The following HEATR4 variants were observed in gnomAD, a reference collection of about 807,000 sequenced individuals.
HEATR4 encodes HEAT repeat containing 4, also known as HEAT repeat-containing protein 4.
In HEATR4, 95 loss-of-function variants were observed where a neutral mutation model predicts 108.8. The ratio of observed to expected loss-of-function variants is 0.87; its 90% CI spans 0.74 to 1.04. The LOEUF is 1.04. Among genes scored for constraint, HEATR4 ranks in the 50% least tolerant of loss-of-function variants. The pLI is 0.00. For synonymous variants in HEATR4, 443 were observed against 459.4 expected (o/e 0.96, Z 0.46); for missense variants, 1,152 against 1,253.8 (o/e 0.92, Z 1.23).
intron 6 of HEATR4, among the ~76,000 whole-genome samples, chr14:73,513,798 T>A (rs1015177716): frequency 6.7e-6 from 1 of 149,486 alleles, no homozygotes; most frequent in Non-Finnish European, 1.5e-5. Flanking sequence ...AATAATGAGT[T>A]TCCACAAATT....
rs568589730 is a variant in HEATR4 at position 73,539,766 on chromosome 14, G to A, written c.-151-9522C>T. ...ACGCGGTCCCTGTCCATCAGCACAC[G>A]CGTGGGCTGTGCTCATCGCTGCCGG... On this transcript the variant is annotated intron_variant, in intron 1 of 17. Coordinates refer to ENST00000553558, the MANE Select transcript of HEATR4 (RefSeq NM_001220484.1). The A allele has an allele frequency of 7.6e-5, 9 of 117,896 alleles. 1 individual carries two copies. Among genetic ancestry groups the A allele is most frequent in the African/African-American group, 1.9e-4 (7 of 36,252 alleles). The allele number at this position is 117,896 out of a possible 1,614,324, so 7.3% of individuals were successfully genotyped here.
At position 73,535,469 on chromosome 14, in the gene HEATR4, C is replaced by T. The variant is rs983179476; in HGVS notation, c.-151-5225G>A. ...CCTTTTTCTTTTCTTTTTCTTCTTT[C>T]TTTTTTTTTTTTTTTTTTTTTTTTT... On this transcript the variant is annotated intron_variant, in intron 1 of 17. Coordinates refer to ENST00000553558, the MANE Select transcript of HEATR4 (RefSeq NM_001220484.1). 2.7e-3 allele frequency among the ~76,000 whole-genome samples: 44 copies of T among 16,496 alleles called. 2 individuals carry two copies. Among genetic ancestry groups the T allele is most frequent in the Non-Finnish European group, 8.6e-3 (31 of 3,586 alleles). 10.8% of individuals were successfully genotyped at this position (16,496 alleles called of 152,430 possible). A position where few individuals can be genotyped will look rare whatever the true frequency, so the allele number is the denominator to read the frequency against.
the HEATR4 span, among the ~76,000 whole-genome samples, chr14:73,570,975 A>AT: frequency 2.9e-5 from 4 of 136,574 alleles, no homozygotes; most frequent in African/African-American, 1.1e-4. Context: ...CTAGGAAGCC[A>AT]CTTTTTTTTT....
At chr14:73,564,783 T>G in the HEATR4 span, among the ~76,000 whole-genome samples, 1 of 141,074 alleles carries the variant, frequency 7.1e-6, no homozygotes, top group Admixed American at 7.4e-5. Context: ...CAAGCTGGTA[T>G]CGAACTCCTC....
chr14:73,478,487 T>C lies in HEATR4; in HGVS notation c.*119A>G. 1 of 720,982 alleles carries C rather than the reference T, an allele frequency of 1.4e-6. No individual in the cohort carries two copies. Among genetic ancestry groups the C allele is most frequent in the Non-Finnish European group, 2.4e-6 (1 of 412,062 alleles). The allele number at this position is 720,982 out of a possible 1,614,324, so 44.7% of individuals were successfully genotyped here. ...GTGCGCATTAAGACATGAGGTCTAC[T>C]GTTAAATAATTTCTCTTTATAAACA... On this transcript the variant is annotated 3_prime_UTR_variant, in exon 18 of 18. Transcript: ENST00000553558.
At chr14:73,508,473 G>A (rs1219342574) in intron 8 of HEATR4, among the ~76,000 whole-genome samples, 179 bp from the exon 9 acceptor site, 2 of 152,108 alleles carry the variant, frequency 1.3e-5, no homozygotes, top group African/African-American at 4.8e-5. Flanking sequence ...TATTGGCTGG[G>A]CACGGTGGCT....
At chr14:73,562,280 T>G (rs1213836189), upstream of HEATR4, among the ~76,000 whole-genome samples, 5 of 152,036 alleles carry the variant, frequency 3.3e-5, no homozygotes, top group Admixed American at 1.3e-4. Context: ...TATGGACATT[T>G]ATCAGTTCCC....
chr14:73,570,990 TA>T, the HEATR4 span, among the ~76,000 whole-genome samples: 21,031 of 147,210 alleles, frequency 0.14, 2,123 homozygotes, highest in Non-Finnish European at 0.21. Context: ...TTTTTTTTTT[TA>T]AATAAGAATT....
At chr14:73,535,832 C>G (rs1301905138) in intron 1 of HEATR4, among the ~76,000 whole-genome samples, 3 of 115,098 alleles carry the variant, frequency 2.6e-5, no homozygotes, top group Non-Finnish European at 5.7e-5. Context: ...AACTCCTGGC[C>G]TTAAGAAACC....
At chr14:73,610,023 G>C in the HEATR4 span, among the ~76,000 whole-genome samples, 1 of 151,698 alleles carries the variant, frequency 6.6e-6, no homozygotes, top group South Asian at 2.1e-4. Context: ...AACACCTCCT[G>C]GTGTACCTGG....
chr14:73,518,475 T>C (rs1887767892), intron 5 of HEATR4, among the ~76,000 whole-genome samples: 1 of 152,106 alleles, frequency 6.6e-6, no homozygotes, highest in South Asian at 2.1e-4. Flanking sequence ...TGGGCCCATC[T>C]GAACAGTAAT....
At chr14:73,574,261 G>GTTT in the HEATR4 span, 1 of 126,694 alleles carries the variant, frequency 7.9e-6, no homozygotes, top group African/African-American at 3.2e-5. Flanking sequence ...TTAAATTCCA[G>GTTT]TATTTTTTTT....
At chr14:73,594,108 T>G in the HEATR4 span, among the ~76,000 whole-genome samples, 1 of 152,236 alleles carries the variant, frequency 6.6e-6, no homozygotes, top group African/African-American at 2.4e-5. Flanking sequence ...ACATGAGATT[T>G]TATTTAGTAA....
In HEATR4 at chr14:73,538,634, A is replaced by G. The variant is rs138695223; in HGVS notation, c.-151-8390T>C. Reference sequence around the variant, plus strand: ...CTCAAAAAAAAAAAAAAAAAAAGGCATTGTAAGGAAAGAGAAAAGACACAT... The same window carrying G: ...CTCAAAAAAAAAAAAAAAAAAAGGCGTTGTAAGGAAAGAGAAAAGACACAT... On this transcript the variant is annotated intron_variant, in intron 1 of 17. Transcript: ENST00000553558. 1.4e-3 allele frequency among the ~76,000 whole-genome samples: 152 copies of G among 106,168 alleles called. 23 individuals carry two copies. Among genetic ancestry groups the G allele is most frequent in the African/African-American group, 4.6e-3 (148 of 32,126 alleles). The allele number at this position is 106,168 out of a possible 152,430, so 69.7% of individuals were successfully genotyped here.
the HEATR4 span, chr14:73,582,623 C>G: frequency 2.0e-5 from 3 of 152,058 alleles, no homozygotes; most frequent in East Asian, 3.9e-4. Flanking sequence ...GAAGACAGCC[C>G]TACATGGAGA....
chr14:73,604,164 CTTT>C, the HEATR4 span, among the ~76,000 whole-genome samples: 6,757 of 120,736 alleles, frequency 0.056, 177 homozygotes, highest in Admixed American at 0.09. Context: ...TTGCTAATTT[CTTT>C]TTTTTTTTTT....
chr14:73,494,539 A>G (rs1885982560), intron 16 of HEATR4, among the ~76,000 whole-genome samples: 1 of 152,022 alleles, frequency 6.6e-6, no homozygotes, highest in Non-Finnish European at 1.5e-5. Context: ...AGAGACAAGC[A>G]CTATTTTTTG....
Position 73,492,688 on chromosome 14 carries a change from G to T in HEATR4, c.2844+378C>A. 6.2e-7 allele frequency: 1 copy of T among 1,613,996 alleles called. No individual in the cohort carries two copies. The highest frequency in any genetic ancestry group is 8.5e-7 in the Non-Finnish European group (1 of 1,179,884). ...ATATGCTTCAGGATGGGATAGCTCG[G>T]CTGGTGGGTGAGGGGGGCCATTTGT... On this transcript the variant is annotated intron_variant, in intron 17 of 17. Coordinates refer to ENST00000553558, the MANE Select transcript of HEATR4 (RefSeq NM_001220484.1). This position sits in a 1 kb window ranked among gnomAD's most constrained non-coding sequence, Gnocchi z 4.9.
chr14:73,601,832 C>T, the HEATR4 span, among the ~76,000 whole-genome samples: 1 of 151,978 alleles, frequency 6.6e-6, no homozygotes, highest in Non-Finnish European at 1.5e-5. Flanking sequence ...TATCTTAGAC[C>T]ATGGAATTCA....
Sources: gnomAD v4.1 joint callset for allele counts (sites outside exome capture counted in the v4.1 genomes callset) on GRCh38, gnomAD v4.1.1 for gene constraint, Gnocchi (gnomAD v3.1) non-coding constraint, MANE v1.5 for transcripts, NCBI Gene and HGNC (gene_info 2026-07-23, HGNC 2026-07-21) for gene names.